The following ARL5B variants were observed in gnomAD, a reference collection of about 807,000 sequenced individuals.
ARL5B encodes ADP-ribosylation factor-like protein 5B.
Under a neutral mutation model 26.9 loss-of-function variants are expected in ARL5B, and 10 were observed. That is an observed-to-expected ratio of 0.37 (90% CI 0.23 to 0.63). The LOEUF (loss-of-function observed/expected upper bound fraction) is 0.63. ARL5B is among the 30% of genes least tolerant of loss of function. The pLI, the probability that ARL5B is intolerant of heterozygous loss-of-function variation, is 0.62. For missense variants in ARL5B, 167 were observed against 213.9 expected (o/e 0.78, Z 1.37); for synonymous variants, 87 against 70.4 (o/e 1.24, Z -1.18).
At chr10:18,664,429 C>CTTTT (rs140830487) in intron 1 of ARL5B, among the ~76,000 whole-genome samples, 17 of 67,250 alleles carry the variant, frequency 2.5e-4, no homozygotes, top group Non-Finnish European at 3.4e-4. Context: ...ACAGTAGTGT[C>CTTTT]TTTTTTTTTT....
intron 1 of ARL5B, among the ~76,000 whole-genome samples, chr10:18,664,680 C>A (rs2092180298): frequency 6.6e-6 from 1 of 150,654 alleles, no homozygotes; most frequent in African/African-American, 2.4e-5. Flanking sequence ...CCTCGTGATC[C>A]TCCCACCTCG....
At chr10:18,674,392 A>T (rs2059901620) in intron 5 of ARL5B, among the ~76,000 whole-genome samples, 1 of 152,110 alleles carries the variant, frequency 6.6e-6, no homozygotes, top group African/African-American at 2.4e-5. Context: ...CATAATCCAA[A>T]TTTTTTTCTT....
At chr10:18,673,262 A>G (rs1379696344) in intron 4 of ARL5B, among the ~76,000 whole-genome samples, 1 of 151,974 alleles carries the variant, frequency 6.6e-6, no homozygotes, top group East Asian at 1.9e-4. Flanking sequence ...GGATTTCACC[A>G]TCTTCGCCAG....
rs879460979 is a variant in ARL5B, at chr10:18,676,392, T to G, written c.*1176T>G. 3 of 152,118 alleles carry G rather than the reference T, an allele frequency of 2.0e-5. No individual in the cohort carries two copies. The highest frequency in any genetic ancestry group is 4.4e-5 in the Non-Finnish European group (3 of 67,870). 9.4% of individuals were successfully genotyped at this position (152,118 alleles called of 1,614,324 possible). A position where few individuals can be genotyped will look rare whatever the true frequency, so the allele number is the denominator to read the frequency against. ...AGCTTTTAGAATATTAATAGGAGAC[T>G]CAAAGTTAATATTCTTAACAACTTA... is the stretch of plus-strand genomic sequence containing the variant. On this transcript the variant is annotated 3_prime_UTR_variant, in exon 6 of 6. Coordinates refer to ENST00000377275, the MANE Select transcript of ARL5B (RefSeq NM_178815.5).
chr10:18,663,877 G>A (rs796311476), intron 1 of ARL5B, among the ~76,000 whole-genome samples: 19 of 152,040 alleles, frequency 1.2e-4, no homozygotes, highest in African/African-American at 4.3e-4. Flanking sequence ...ACTCTGGACT[G>A]TAAGCAGGTT....
At position 18,659,506 on chromosome 10, in the gene ARL5B, G is replaced by C. The variant is rs2059816005; in HGVS notation, c.-132G>C. The C allele has an allele frequency of 1.7e-6, 2 of 1,188,586 alleles. No homozygotes were observed. The highest frequency in any genetic ancestry group is 2.8e-5 in the East Asian group (1 of 36,054). 73.6% of individuals were successfully genotyped at this position (1,188,586 alleles called of 1,614,324 possible). A position where few individuals can be genotyped will look rare whatever the true frequency, so the allele number is the denominator to read the frequency against. ...CTGAGTGGTCGGGTCGAGGCTTCTC[G>C]GCCTAGCAGTGCCCTCGCTGCGCGA... On this transcript the variant is annotated 5_prime_UTR_variant, in exon 1 of 6. Coordinates refer to ENST00000377275, the MANE Select transcript of ARL5B (RefSeq NM_178815.5).
intron 3 of ARL5B, 72 bp downstream of exon 3, chr10:18,668,749 C>A: frequency 6.8e-7 from 1 of 1,467,860 alleles, no homozygotes; most frequent in South Asian, 1.3e-5. Flanking sequence ...TTAGGCTGCA[C>A]CTGGGCGTAT....
chr10:18,659,950 G>T lies in ARL5B; in HGVS notation c.46+267G>T, dbSNP rs2059821149. On this transcript the variant is annotated intron_variant, in intron 1 of 5. Coordinates refer to ENST00000377275, the MANE Select transcript of ARL5B (RefSeq NM_178815.5). ...GTTTGGATATTGGCGAAGTAAAGCG[G>T]GATACAGCTAATGATGCCAGGAGGC... is the stretch of plus-strand genomic sequence containing the variant. 3.0e-6 allele frequency: 3 copies of T among 985,060 alleles called. No individual in the cohort carries two copies. In the African/African-American group the frequency reaches 5.2e-5, roughly 17 times the overall value. The allele number at this position is 985,060 out of a possible 1,614,324, so 61.0% of individuals were successfully genotyped here.
At chr10:18,660,905 T>TGG (rs1564862212) in intron 1 of ARL5B, among the ~76,000 whole-genome samples, 3 of 152,210 alleles carry the variant, frequency 2.0e-5, no homozygotes, top group Admixed American at 2.0e-4. Context: ...TTCAGTGCAG[T>TGG]GGCGCAATCT....
In ARL5B at chr10:18,677,883, A is replaced by G. The variant is rs1198784946; in HGVS notation, c.*2667A>G. The G allele has an allele frequency of 2.0e-5, 3 of 152,078 alleles. No homozygotes were observed. The highest frequency in any genetic ancestry group is 4.8e-5 in the African/African-American group (2 of 41,432). The allele number at this position is 152,078 out of a possible 1,614,324, so 9.4% of individuals were successfully genotyped here. On this transcript the variant is annotated 3_prime_UTR_variant, in exon 6 of 6. Coordinates refer to ENST00000377275, the MANE Select transcript of ARL5B (RefSeq NM_178815.5). ...AGTGAAAAGCAAGGGACCCACCTAC[A>G]TTACCTTCAGGAGACTGTTCTACCT...
Position 18,659,835 on chromosome 10 carries a change from C to T in ARL5B, c.46+152C>T, listed in dbSNP as rs111690788. On this transcript the variant is annotated intron_variant, in intron 1 of 5. Transcript: ENST00000377275. ...CGGGCAGAAACTCAGTGTTTTAGAC[C>T]TGGAGGACGTACAGGAGAGACCTGA... 7.9e-4 allele frequency: 1,180 copies of T among 1,487,648 alleles called. 11 individuals carry two copies. The African/African-American group carries it at 0.015, about 19-fold the overall frequency. 92.2% of individuals were successfully genotyped at this position (1,487,648 alleles called of 1,614,324 possible).
chr10:18,660,304 ACAGGT>A (rs2059825370), intron 1 of ARL5B, among the ~76,000 whole-genome samples: 2 of 152,122 alleles, frequency 1.3e-5, no homozygotes, highest in Non-Finnish European at 2.9e-5. Flanking sequence ...TTAGTCTGTA[ACAGGT>A]AATGAGACAC....
At chr10:18,663,227 C>G (rs1339027227) in intron 1 of ARL5B, among the ~76,000 whole-genome samples, 1 of 151,634 alleles carries the variant, frequency 6.6e-6, no homozygotes, top group African/African-American at 2.4e-5. Flanking sequence ...AGGCTGGCCT[C>G]GAACTCCTGA....
intron 1 of ARL5B, among the ~76,000 whole-genome samples, chr10:18,665,942 G>T (rs1390279169): frequency 6.6e-6 from 1 of 152,208 alleles, no homozygotes; most frequent in Non-Finnish European, 1.5e-5. Flanking sequence ...AAGGAGGAAA[G>T]AACTGAAGAG....
In ARL5B at chr10:18,677,922, CAAGG is replaced by C. The variant is rs1414203808; in HGVS notation, c.*2709_*2712del. 1.3e-5 allele frequency: 2 copies of C among 151,760 alleles called. No individual in the cohort carries two copies. Among genetic ancestry groups the C allele is most frequent in the Admixed American group, 6.6e-5 (1 of 15,208 alleles). 9.4% of individuals were successfully genotyped at this position (151,760 alleles called of 1,614,324 possible). ...ACTGTTCTACCTTTTAATTTGAAAA[CAAGG>C]AAATTAAATTTTAACAGAAATCTTT... is the stretch of plus-strand genomic sequence containing the variant. On this transcript the variant is annotated 3_prime_UTR_variant, in exon 6 of 6. Transcript: ENST00000377275.
At chr10:18,664,530 C>T (rs1480076697) in intron 1 of ARL5B, among the ~76,000 whole-genome samples, 6 of 147,022 alleles carry the variant, frequency 4.1e-5, no homozygotes, top group Non-Finnish European at 4.5e-5. Context: ...CTCCGTCTTC[C>T]GGGTTCATGC....
intron 5 of ARL5B, among the ~76,000 whole-genome samples, chr10:18,674,425 G>GA (rs977417420): frequency 2.0e-5 from 3 of 152,008 alleles, no homozygotes; most frequent in African/African-American, 7.2e-5. Context: ...CATATACTGA[G>GA]AAAAAAACTG....
intron 1 of ARL5B, among the ~76,000 whole-genome samples, chr10:18,662,819 T>C (rs2059843044): frequency 6.7e-6 from 1 of 149,726 alleles, no homozygotes; most frequent in Non-Finnish European, 1.5e-5. Flanking sequence ...TTCTCCTGCC[T>C]CAGCCTCCTG....
At chr10:18,671,105 A>C (rs540098876) in intron 3 of ARL5B, among the ~76,000 whole-genome samples, 2 of 152,128 alleles carry the variant, frequency 1.3e-5, no homozygotes, top group African/African-American at 4.8e-5. Flanking sequence ...GCCACGCGAC[A>C]TTCTTTCCGT....
Sources: gnomAD v4.1 joint callset for allele counts (sites outside exome capture counted in the v4.1 genomes callset) on GRCh38, gnomAD v4.1.1 for gene constraint, MANE v1.5 for transcripts, NCBI Gene and HGNC (gene_info 2026-07-23, HGNC 2026-07-21) for gene names.